CAPN6: variants seen among roughly 807,000 people sequenced by gnomAD.
CAPN6 encodes calpain 6, also known as calpain-6.
CAPN6 carries 16 observed loss-of-function variants against 46.0 expected under a neutral mutation model. That is an observed-to-expected ratio of 0.35 (90% CI 0.24 to 0.53). The LOEUF is 0.53. Ranked by LOEUF, CAPN6 falls within the 20% of genes least tolerant of loss-of-function variation. CAPN6 has a pLI of 0.94. For missense variants in CAPN6, 461 were observed against 498.0 expected, an observed-to-expected ratio of 0.93 and a Z score of 0.71; for synonymous variants, 206 against 172.8, an observed-to-expected ratio of 1.19 and a Z score of -1.51.
intron 2 of CAPN6, among the ~76,000 whole-genome samples, chrX:111,255,961 C>A (rs1432829995): frequency 1.8e-5 from 2 of 111,943 alleles, no homozygotes; most frequent in African/African-American, 6.5e-5. Context: ...ACTTGTTGAA[C>A]ATAGAGCAGG....
At chrX:111,267,454 AG>A (rs2094992822) in intron 1 of CAPN6, among the ~76,000 whole-genome samples, 1 of 111,709 alleles carries the variant, frequency 9.0e-6, no homozygotes, top group Non-Finnish European at 1.9e-5. Context: ...GAGAATTGCC[AG>A]GGAAGTTGAG....
intron 2 of CAPN6, among the ~76,000 whole-genome samples, chrX:111,260,293 G>A (rs2094986934): frequency 8.9e-6 from 1 of 112,222 alleles, no homozygotes; most frequent in African/African-American, 3.2e-5. Flanking sequence ...GCGCCAAGGC[G>A]GCGAGGGGCG....
intron 2 of CAPN6, among the ~76,000 whole-genome samples, chrX:111,262,232 T>C (rs1275189203): frequency 9.0e-6 from 1 of 111,198 alleles, no homozygotes; most frequent in Non-Finnish European, 1.9e-5. Context: ...GCAGGAGGAG[T>C]GTAATTTTCC....
At chrX:111,254,552 G>T (rs996353420) in intron 2 of CAPN6, 149 bp from the exon 3 acceptor site, 11 of 406,111 alleles carry the variant, frequency 2.7e-5, no homozygotes, top group Middle Eastern at 7.0e-4. Flanking sequence ...TGAAGGGAAG[G>T]CTGAGGGGAT....
At position 111,248,660 on chromosome X, in the gene CAPN6, CCTT is replaced by C; in HGVS notation, c.1390_1392del (p.Lys464del). On this transcript the variant is annotated inframe_deletion, in exon 10 of 13. Transcript: ENST00000324068. Reference sequence around the variant, plus strand: ...ATGGTTGGGACAAGCACATAGTTGCCCTTCTTCAGGTACTTGCTCAGAAACACT... The same window carrying C: ...ATGGTTGGGACAAGCACATAGTTGCCCTTCAGGTACTTGCTCAGAAACACT... The C allele has an allele frequency of 8.3e-7, 1 of 1,209,556 alleles. No homozygotes were observed. The highest frequency in any genetic ancestry group is 1.1e-6 in the Non-Finnish European group (1 of 894,515).
intron 2 of CAPN6, among the ~76,000 whole-genome samples, chrX:111,257,431 C>G (rs1284201440): frequency 2.7e-5 from 3 of 112,048 alleles, no homozygotes; most frequent in Non-Finnish European, 5.6e-5. Flanking sequence ...ATGTAAGCAT[C>G]GTGATATGAA....
Position 111,251,098 on chromosome X carries a change from C to T in CAPN6, c.977G>A (p.Ser326Asn). The T allele has an allele frequency of 1.7e-6, 2 of 1,210,715 alleles. No homozygotes were observed. Among genetic ancestry groups the T allele is most frequent in the Non-Finnish European group, 2.2e-6 (2 of 895,201 alleles). ...VMSDDGEFWMSLEDFCRNFHK... is the reference protein window; with the variant it reads ...VMSDDGEFWMNLEDFCRNFHK... ...AAAGTTGCGGCAAAAGTCCTCCAAG[C>T]TCATCCTGAATGGAAGGAGCACAGG... The change falls in exon 8 of 13, where the codon AGC becomes AAC. Residue 326 changes from serine to asparagine, a missense_variant. Ser to Asn is a conservative substitution (Grantham distance 46). Coordinates refer to ENST00000324068, the MANE Select transcript of CAPN6 (RefSeq NM_014289.4).
rs780763063 is a variant in CAPN6, at chrX:111,246,622, G to A, written c.1881C>T (p.His627=). 1.7e-6 allele frequency: 2 copies of A among 1,211,330 alleles called. No homozygotes were observed. Among genetic ancestry groups the A allele is most frequent in the South Asian group, 3.5e-5 (2 of 56,918 alleles). The change falls in exon 13 of 13, where the codon CAC becomes CAT. Residue 627 remains histidine (H), a synonymous_variant. Coordinates refer to ENST00000324068, the MANE Select transcript of CAPN6 (RefSeq NM_014289.4). ...GGPTAKVKQG[H]ISFKVISSDD... ...CGCTGGAAATAACCTTGAAGCTGAT[G>A]TGGCCTTGCTTGACTTTGGCAGTTG...
Position 111,252,300 on chromosome X carries a change from T to A in CAPN6, c.699+7A>T, listed in dbSNP as rs2094980247. 3 of 1,190,275 alleles carry A rather than the reference T, an allele frequency of 2.5e-6. No individual in the cohort carries two copies. Among genetic ancestry groups the A allele is most frequent in the Non-Finnish European group, 2.3e-6 (2 of 882,287 alleles). On this transcript the variant is annotated splice_region_variant and intron_variant, in intron 5 of 12. Transcript: ENST00000324068. ...GTATACAGTGGTTGTTTTTCATGAG[T>A]ACAAACCTCAATGGAACAGCAGATC... is the stretch of plus-strand genomic sequence containing the variant.
chrX:111,269,597 G>A (rs917961577), intron 1 of CAPN6, among the ~76,000 whole-genome samples: 23 of 111,335 alleles, frequency 2.1e-4, no homozygotes, highest in African/African-American at 6.2e-4. Context: ...CCTTTTTCCC[G>A]TCCCCCACCC....
Position 111,248,669 on chromosome X carries a change from G to A in CAPN6, c.1384C>T (p.Leu462=), listed in dbSNP as rs2094976597. Residue 462 remains leucine (L), a synonymous_variant, in exon 10 of 13, where the codon CTG becomes TTG. Coordinates refer to ENST00000324068, the MANE Select transcript of CAPN6 (RefSeq NM_014289.4). ...ACAAGCACATAGTTGCCCTTCTTCA[G>A]GTACTTGCTCAGAAACACTGTGCGG... is the stretch of plus-strand genomic sequence containing the variant. ...DTRTVFLSKY[L]KKGNYVLVPT... 8.3e-7 allele frequency: 1 copy of A among 1,208,068 alleles called. No individual in the cohort carries two copies.
intron 1 of CAPN6, among the ~76,000 whole-genome samples, chrX:111,266,850 C>T (rs2094992349): frequency 8.9e-6 from 1 of 112,932 alleles, no homozygotes; most frequent in African/African-American, 3.2e-5. Flanking sequence ...AAACATGATA[C>T]TCAACTTTGA....
chrX:111,252,239 C>G, intron 5 of CAPN6, 68 bp downstream of exon 5: 2 of 903,338 alleles, frequency 2.2e-6, no homozygotes, highest in Non-Finnish European at 3.0e-6. Context: ...GGCGAATTTC[C>G]CTACCAAACT....
chrX:111,248,827 G>T, intron 9 of CAPN6, 56 bp from the exon 10 acceptor site: 1 of 1,183,421 alleles, frequency 8.5e-7, no homozygotes, highest in Non-Finnish European at 1.1e-6. Context: ...GTTTTTGTAT[G>T]CTCTGTCTTT....
intron 1 of CAPN6, among the ~76,000 whole-genome samples, chrX:111,267,654 G>A (rs1444333143): frequency 8.9e-6 from 1 of 111,767 alleles, no homozygotes; most frequent in Non-Finnish European, 1.9e-5. Flanking sequence ...AATACATCCT[G>A]TCTGTGGTTC....
intron 1 of CAPN6, among the ~76,000 whole-genome samples, chrX:111,268,345 A>G (rs2094993523): frequency 8.9e-6 from 1 of 112,744 alleles, no homozygotes; most frequent in Non-Finnish European, 1.9e-5. Flanking sequence ...AAATATCACC[A>G]TTTAGTATAC....
rs145030541 is a variant in CAPN6 at position 111,251,780 on chromosome X, G to C, written c.700-38C>G. 6.2e-3 allele frequency: 6,826 copies of C among 1,094,033 alleles called. 24 individuals carry two copies. The highest frequency in any genetic ancestry group is 7.8e-3 in the Non-Finnish European group (6,227 of 798,213). The allele number at this position is 1,094,033 out of a possible 1,213,427, so 90.2% of individuals were successfully genotyped here. ...AAAGATATATAAAGGCACAGGAATT[G>C]GGAGACCCAATCCTGACTCCTCTTC... On this transcript the variant is annotated intron_variant, in intron 5 of 12. Coordinates refer to ENST00000324068, the MANE Select transcript of CAPN6 (RefSeq NM_014289.4).
intron 2 of CAPN6, among the ~76,000 whole-genome samples, chrX:111,256,631 G>T (rs1205759367): frequency 9.0e-6 from 1 of 111,076 alleles, no homozygotes; most frequent in African/African-American, 3.3e-5. Context: ...CAACACTTTT[G>T]GCATGTCAAC....
chrX:111,248,501 G>C, intron 10 of CAPN6, 68 bp downstream of exon 10: 1 of 802,230 alleles, frequency 1.2e-6, no homozygotes, highest in Non-Finnish European at 1.9e-6. Flanking sequence ...GGGGAGACGG[G>C]TGAAGGGGTT....
Sources: allele counts gnomAD v4.1 joint callset (sites outside exome capture counted in the v4.1 genomes callset), GRCh38; gene constraint gnomAD v4.1.1; transcripts MANE v1.5; gene names NCBI Gene and HGNC (gene_info 2026-07-23, HGNC 2026-07-21).